Variants in EML6 observed in about 807,000 individuals in gnomAD.
EML6 encodes echinoderm microtubule-associated protein-like 6.
EML6 carries 154 observed loss-of-function variants against 240.1 expected under a neutral mutation model. The observed-to-expected ratio is 0.64, with a 90% CI of 0.56 to 0.73. The LOEUF is 0.73. Among genes scored for constraint, EML6 ranks in the 30% least tolerant of loss-of-function variants. EML6 has a pLI of 0.00. For synonymous variants in EML6, 1,148 were observed against 899.0 expected (o/e 1.28, Z -4.95); for missense variants, 2,964 against 2,474.6 (o/e 1.20, Z -4.20).
At chr2:54,810,371 TG>T (rs1306041847) in intron 2 of EML6, among the ~76,000 whole-genome samples, 1 of 152,220 alleles carries the variant, frequency 6.6e-6, no homozygotes, top group Non-Finnish European at 1.5e-5. Flanking sequence ...GTAAGTTATT[TG>T]AAGACTTGTT....
At position 54,879,560 on chromosome 2, in the gene EML6, TCTG is replaced by T. The variant is rs1279640886; in HGVS notation, c.2359_2361del (p.Leu787del). 1.3e-6 allele frequency: 2 copies of T among 1,551,280 alleles called. No individual in the cohort carries two copies. The highest frequency in any genetic ancestry group is 1.7e-6 in the Non-Finnish European group (2 of 1,146,444). On this transcript the variant is annotated inframe_deletion, in exon 17 of 42. Coordinates refer to ENST00000356458, the MANE Select transcript of EML6 (RefSeq NM_001039753.4). ...GTTTTCATACAGCCGATGGAAAATG[TCTG>T]GTGTCGGTTGGTTTAGACGATTTTC... is the stretch of plus-strand genomic sequence containing the variant.
At chr2:54,879,781 A>G in intron 17 of EML6, 141 bp downstream of exon 17, 2 of 634,340 alleles carry the variant, frequency 3.2e-6, no homozygotes, top group Non-Finnish European at 5.6e-6. Context: ...GTGAAAAAAT[A>G]CTGCAGTATT....
chr2:54,940,682 C>T (rs886252431), intron 28 of EML6, among the ~76,000 whole-genome samples: 1 of 152,238 alleles, frequency 6.6e-6, no homozygotes, highest in Admixed American at 6.5e-5. Flanking sequence ...TGGTCAGCGA[C>T]CACTTTTACC....
rs187847891 is a variant in EML6, at chr2:54,753,862, C to T, written c.197+28604C>T. On this transcript the variant is annotated intron_variant, in intron 2 of 41. Coordinates refer to ENST00000356458, the MANE Select transcript of EML6 (RefSeq NM_001039753.4). ...AATTAAAAAAATTTTTTTGGCTGGG[C>T]GCGATGGCTCACACCTGTAATCCCA... Among the ~76,000 whole-genome samples the T allele has an allele frequency of 2.2e-4, 34 of 151,770 alleles. 1 individual carries two copies. Among genetic ancestry groups the T allele is most frequent in the Middle Eastern group, 3.4e-3 (1 of 294 alleles).
Position 54,950,888 on chromosome 2 carries a change from A to G in EML6, c.4213+109A>G. On this transcript the variant is annotated intron_variant, in intron 30 of 41. Coordinates refer to ENST00000356458, the MANE Select transcript of EML6 (RefSeq NM_001039753.4). ...AGCATTTTCCTTCCCTTATAGAGCC[A>G]TTCCCCCCAATTCCAGCATGGTCTC... is the stretch of plus-strand genomic sequence containing the variant. 5 of 1,136,608 alleles carry G rather than the reference A, an allele frequency of 4.4e-6. No individual in the cohort carries two copies. In the South Asian group the frequency reaches 6.4e-5, roughly 15 times the overall value. The allele number at this position is 1,136,608 out of a possible 1,614,324, so 70.4% of individuals were successfully genotyped here. A position where few individuals can be genotyped will look rare whatever the true frequency, so the allele number is the denominator to read the frequency against.
Position 54,916,700 on chromosome 2 carries a change from C to G in EML6, c.3499-59C>G, listed in dbSNP as rs1821933. 1,112 of 1,359,862 alleles carry G rather than the reference C, an allele frequency of 8.2e-4. 9 individuals carry two copies. In the African/African-American group the frequency reaches 0.015, roughly 18 times the overall value. 84.2% of individuals were successfully genotyped at this position (1,359,862 alleles called of 1,614,324 possible). On this transcript the variant is annotated intron_variant, in intron 25 of 41. Transcript: ENST00000356458. ...AGAATTACTCAGGTGCAAACTGTTT[C>G]TTTTAAATAAAACAAACTAGGTTGT...
chr2:54,902,050 G>A (rs541408597), intron 22 of EML6, among the ~76,000 whole-genome samples: 1 of 152,270 alleles, frequency 6.6e-6, no homozygotes, highest in South Asian at 2.1e-4. Context: ...GAAGAGGCAA[G>A]AACAACATCT....
At chr2:54,739,661 A>G (rs1028416470) in intron 2 of EML6, among the ~76,000 whole-genome samples, 1 of 152,234 alleles carries the variant, frequency 6.6e-6, no homozygotes, top group African/African-American at 2.4e-5. Context: ...ATGCACAGCC[A>G]GATATGGTTA....
rs182839515 is a variant in EML6, at chr2:54,950,753, C to A, written c.4187C>A (p.Ala1396Asp). 6.4e-7 allele frequency: 1 copy of A among 1,551,594 alleles called. No individual in the cohort carries two copies. Among genetic ancestry groups the A allele is most frequent in the East Asian group, 2.4e-5 (1 of 40,924 alleles). Residue 1396 changes from alanine (A) to aspartate (D), a missense_variant, in exon 30 of 42, where the codon GCT becomes GAT. Coordinates refer to ENST00000356458, the MANE Select transcript of EML6 (RefSeq NM_001039753.4). ...GADIIFHTAA[A>D]GIVQNLSTGS... ...GACATCATCTTCCACACAGCAGCGG[C>A]TGGCATCGTTCAGAACCTCTCCACA...
Position 54,822,612 on chromosome 2 carries a change from C to T in EML6, c.525+2150C>T, listed in dbSNP as rs79419424. Among the ~76,000 whole-genome samples, 172 of 152,150 alleles carry T rather than the reference C, an allele frequency of 1.1e-3. 3 individuals are homozygous for T. In the East Asian group the frequency reaches 0.028, roughly 25 times the overall value. ...GATGATATTGGGAAATATTCAAAAT[C>T]TATTATATGGGGAAGTTTACAGTTT... On this transcript the variant is annotated intron_variant, in intron 5 of 41. Transcript: ENST00000356458.
chr2:54,858,737 A>G (rs1670521107), intron 11 of EML6, among the ~76,000 whole-genome samples: 1 of 152,220 alleles, frequency 6.6e-6, no homozygotes. Context: ...CTTCTTACAA[A>G]TCATTGCCTC....
At chr2:54,813,989 G>C (rs1667972612) in intron 3 of EML6, among the ~76,000 whole-genome samples, 1 of 152,136 alleles carries the variant, frequency 6.6e-6, no homozygotes, top group Non-Finnish European at 1.5e-5. Context: ...TCAGTGTCAT[G>C]TCTGACTTAG....
intron 13 of EML6, among the ~76,000 whole-genome samples, chr2:54,864,869 A>T (rs1409258082): frequency 6.6e-6 from 1 of 152,222 alleles, no homozygotes. Flanking sequence ...ATTGATTCAG[A>T]GTTTGAAAAA....
intron 32 of EML6, among the ~76,000 whole-genome samples, chr2:54,956,757 G>C (rs1044376416): frequency 1.3e-5 from 2 of 152,154 alleles, no homozygotes; most frequent in Non-Finnish European, 2.9e-5. Flanking sequence ...CAAATGCGAA[G>C]TGATGAGAAC....
At chr2:54,927,308 G>T (rs1674603980) in intron 26 of EML6, among the ~76,000 whole-genome samples, 1 of 152,140 alleles carries the variant, frequency 6.6e-6, no homozygotes, top group Non-Finnish European at 1.5e-5. Context: ...TCCTGCACCT[G>T]TTTCCTGCTG....
At chr2:54,737,273 C>G (rs1683439429) in intron 2 of EML6, among the ~76,000 whole-genome samples, 3 of 152,076 alleles carry the variant, frequency 2.0e-5, no homozygotes, top group South Asian at 2.1e-4. Flanking sequence ...GCAGCAGCGA[C>G]AACAATAATA....
intron 33 of EML6, 26 bp from the exon 34 acceptor site, chr2:54,959,078 T>A (rs1309110371): frequency 6.5e-7 from 1 of 1,540,470 alleles, no homozygotes; most frequent in Admixed American, 2.0e-5. Flanking sequence ...GTGTTCCGGG[T>A]GTAGAAGATG....
intron 12 of EML6, among the ~76,000 whole-genome samples, chr2:54,860,527 A>G (rs1198067447): frequency 1.3e-5 from 2 of 152,128 alleles, no homozygotes; most frequent in African/African-American, 2.4e-5. Flanking sequence ...AGCCTAAGAA[A>G]CAGACCTCTG....
chr2:54,751,124 G>A (rs557489379), intron 2 of EML6, among the ~76,000 whole-genome samples: 13 of 152,302 alleles, frequency 8.5e-5, no homozygotes, highest in African/African-American at 3.1e-4. Flanking sequence ...TGAAAGGGAT[G>A]GTTGCCTTCA....
Sources: allele counts gnomAD v4.1 joint callset (sites outside exome capture counted in the v4.1 genomes callset), GRCh38; gene constraint gnomAD v4.1.1; transcripts MANE v1.5; gene names NCBI Gene and HGNC (gene_info 2026-07-23, HGNC 2026-07-21).